Variants in ACYP2 observed in about 807,000 individuals in gnomAD.
The protein encoded by ACYP2 is acylphosphatase-2.
In ACYP2, 12 loss-of-function variants were observed where a neutral mutation model predicts 11.2. That is an observed-to-expected ratio of 1.08 (90% CI 0.69 to 1.74). The LOEUF (loss-of-function observed/expected upper bound fraction) is 1.74, where lower values mean the gene tolerates loss of function less well. ACYP2 is among the 40% of genes most tolerant of loss of function. The probability of loss-of-function intolerance (pLI) is 0.00; values close to 1 mark genes in which losing one functional copy is unlikely to be tolerated. For synonymous variants in ACYP2, 43 were observed against 32.2 expected (o/e 1.33, Z -1.13); for missense variants, 134 against 101.9 (o/e 1.31, Z -1.35).
At chr2:54,279,756 T>C (rs780865058) in intron 6 of ACYP2, among the ~76,000 whole-genome samples, 7 of 152,188 alleles carry the variant, frequency 4.6e-5, no homozygotes, top group Admixed American at 6.5e-5. Flanking sequence ...CCTGTATTCA[T>C]AGAATATTTC....
At chr2:54,147,578 G>A (rs959158603) in intron 6 of ACYP2, among the ~76,000 whole-genome samples, 1 of 152,146 alleles carries the variant, frequency 6.6e-6, no homozygotes, top group Non-Finnish European at 1.5e-5. Flanking sequence ...AGGCTGGAGT[G>A]CGGTGGCTCA....
At chr2:54,201,680 T>TTCTTTCTTTCTGTC (rs1395606887) in intron 6 of ACYP2, among the ~76,000 whole-genome samples, 4 of 107,360 alleles carry the variant, frequency 3.7e-5, no homozygotes, top group African/African-American at 3.7e-5. Flanking sequence ...CTTTCTTTCT[T>TTCTTTCTTTCTGTC]TCTCTCTCTC....
intron 2 of ACYP2, among the ~76,000 whole-genome samples, chr2:53,994,512 CAGAA>C (rs1210737465): frequency 2.6e-4 from 8 of 30,496 alleles, no homozygotes; most frequent in Non-Finnish European, 3.8e-4. Flanking sequence ...GAGTAAGACT[CAGAA>C]AAAAAAAAAA....
intron 2 of ACYP2, among the ~76,000 whole-genome samples, chr2:53,981,904 G>T (rs990082661): frequency 6.6e-6 from 1 of 152,094 alleles, no homozygotes; most frequent in Non-Finnish European, 1.5e-5. Context: ...TTTATTTAAT[G>T]ATAAAAAATT....
At chr2:54,167,341 A>G (rs1683027419) in intron 6 of ACYP2, among the ~76,000 whole-genome samples, 1 of 152,224 alleles carries the variant, frequency 6.6e-6, no homozygotes. Flanking sequence ...GCCCAGTAGC[A>G]CAGTCTAGAC....
At chr2:54,065,723 A>AG (rs1193068840) in intron 4 of ACYP2, 1 of 385,594 alleles carries the variant, frequency 2.6e-6, no homozygotes, top group Admixed American at 4.5e-5. Context: ...GTAGCCGGAA[A>AG]GTGATATGAA....
At chr2:54,253,531 TC>T (rs1687336162) in intron 6 of ACYP2, 1 of 152,180 alleles carries the variant, frequency 6.6e-6, no homozygotes, top group African/African-American at 2.4e-5. Context: ...AGAACCCTTC[TC>T]TAGGGAACAT....
intron 6 of ACYP2, chr2:54,256,085 C>A: frequency 6.2e-7 from 1 of 1,614,136 alleles, no homozygotes; most frequent in Non-Finnish European, 8.5e-7. Flanking sequence ...GACCTCTGGC[C>A]CTGGTGCGGG....
At chr2:54,083,491 T>C (rs1210033499) in intron 4 of ACYP2, among the ~76,000 whole-genome samples, 2 of 152,228 alleles carry the variant, frequency 1.3e-5, no homozygotes, top group Non-Finnish European at 2.9e-5. Context: ...GGATTGCTAC[T>C]TTCAAGAGAA....
chr2:53,973,690 C>A, intron 1 of ACYP2: 2 of 259,702 alleles, frequency 7.7e-6, no homozygotes, highest in Non-Finnish European at 7.2e-6. Flanking sequence ...AATCCCAACA[C>A]CCTTTGCTGA....
chr2:54,255,922 G>A (rs868432733), intron 6 of ACYP2: 3 of 1,613,928 alleles, frequency 1.9e-6, no homozygotes, highest in South Asian at 1.1e-5. Flanking sequence ...ACTGCGACCC[G>A]CATCGACCAA....
chr2:54,134,016 A>G (rs1372384697), intron 4 of ACYP2, among the ~76,000 whole-genome samples: 1 of 152,208 alleles, frequency 6.6e-6, no homozygotes, highest in African/African-American at 2.4e-5. Flanking sequence ...CTAGATAGGG[A>G]AAACATAACC....
At chr2:54,173,656 G>A (rs1301782210) in intron 6 of ACYP2, among the ~76,000 whole-genome samples, 2 of 151,962 alleles carry the variant, frequency 1.3e-5, no homozygotes, top group Non-Finnish European at 2.9e-5. Context: ...TTTTTTCTAG[G>A]GTTTTATGGT....
chr2:54,191,598 G>T (rs890644591), intron 6 of ACYP2, among the ~76,000 whole-genome samples: 2 of 151,806 alleles, frequency 1.3e-5, no homozygotes, highest in African/African-American at 4.9e-5. Flanking sequence ...CCTATATACA[G>T]TCCTTAAGAG....
chr2:54,293,700 C>A (rs973726392), intron 6 of ACYP2, among the ~76,000 whole-genome samples: 6 of 152,198 alleles, frequency 3.9e-5, no homozygotes, highest in Non-Finnish European at 7.3e-5. Flanking sequence ...CTAATCCTTT[C>A]AATAGCTCAG....
chr2:54,190,880 C>T (rs11893929), intron 6 of ACYP2, among the ~76,000 whole-genome samples: 34,551 of 152,072 alleles, frequency 0.23, 4,061 homozygotes, highest in East Asian at 0.38. Flanking sequence ...ACCCAGTACT[C>T]CCTATATGAG....
chr2:54,281,467 A>G (rs1385853675), intron 6 of ACYP2, among the ~76,000 whole-genome samples: 1 of 152,194 alleles, frequency 6.6e-6, no homozygotes, highest in Admixed American at 6.5e-5. Flanking sequence ...TACCCAGGAC[A>G]GGTAAAGATG....
chr2:54,289,484 A>G (rs1689213328), intron 6 of ACYP2, among the ~76,000 whole-genome samples: 1 of 151,980 alleles, frequency 6.6e-6, no homozygotes, highest in African/African-American at 2.4e-5. Context: ...ACCTGCAGAG[A>G]TTATTAGGAA....
At chr2:54,045,689 G>A (rs1001398333) in intron 2 of ACYP2, among the ~76,000 whole-genome samples, 12 of 152,120 alleles carry the variant, frequency 7.9e-5, no homozygotes, top group East Asian at 1.9e-4. Context: ...GGTGGCAGTC[G>A]CCTGTAGTCC....
Sources: gnomAD v4.1 joint callset for allele counts (sites outside exome capture counted in the v4.1 genomes callset) on GRCh38, gnomAD v4.1.1 for gene constraint, MANE v1.5 for transcripts, NCBI Gene and HGNC (gene_info 2026-07-23, HGNC 2026-07-21) for gene names.